PHACTR3: variants seen among roughly 807,000 people sequenced by gnomAD.
The protein encoded by PHACTR3 is protein phosphatase 1, regulatory subunit 123.
In PHACTR3, 16 loss-of-function variants were observed where a neutral mutation model predicts 66.8. That is an observed-to-expected ratio of 0.24 (90% CI 0.16 to 0.36). The LOEUF (loss-of-function observed/expected upper bound fraction) is 0.36, where lower values mean the gene tolerates loss of function less well. Among genes scored for constraint, PHACTR3 ranks in the 10% least tolerant of loss-of-function variants. The pLI, the probability that PHACTR3 is intolerant of heterozygous loss-of-function variation, is 1.00. For missense variants in PHACTR3, 647 were observed against 719.9 expected (o/e 0.90, Z 1.16); for synonymous variants, 323 against 292.1 (o/e 1.11, Z -1.08).
intron 1 of PHACTR3, among the ~76,000 whole-genome samples, chr20:59,589,936 G>T (rs551245252): frequency 2.4e-4 from 37 of 152,342 alleles, no homozygotes; most frequent in Non-Finnish European, 3.7e-4. Flanking sequence ...AGCATTTTGA[G>T]TAGGGAGCTC....
intron 1 of PHACTR3, among the ~76,000 whole-genome samples, chr20:59,595,066 T>C (rs921499188): frequency 6.6e-6 from 1 of 152,244 alleles, no homozygotes; most frequent in Non-Finnish European, 1.5e-5. Flanking sequence ...TGAGGTGTGT[T>C]ATTCAATCTC....
Position 59,847,095 on chromosome 20 carries a change from GTCT to G in PHACTR3, c.1665-18_1665-16del. ...AGAAATGAATAACCTTAAATTCTTT[GTCT>G]TTTTTATAATCTCTAGATTCCACAG... is the stretch of plus-strand genomic sequence containing the variant. On this transcript the variant is annotated splice_polypyrimidine_tract_variant and intron_variant, in intron 12 of 12. Coordinates refer to ENST00000371015, the MANE Select transcript of PHACTR3 (RefSeq NM_080672.5). 6.7e-7 allele frequency: 1 copy of G among 1,493,920 alleles called. No individual in the cohort carries two copies. Among genetic ancestry groups the G allele is most frequent in the Non-Finnish European group, 9.3e-7 (1 of 1,079,052 alleles). The allele number at this position is 1,493,920 out of a possible 1,614,324, so 92.5% of individuals were successfully genotyped here.
intron 1 of PHACTR3, among the ~76,000 whole-genome samples, chr20:59,714,757 G>T (rs2038035884): frequency 6.6e-6 from 1 of 152,054 alleles, no homozygotes; most frequent in African/African-American, 2.4e-5. Flanking sequence ...TGAACTTGTG[G>T]GTCAATTTAG....
At chr20:59,824,379 G>A (rs1193509627) in intron 8 of PHACTR3, among the ~76,000 whole-genome samples, 1 of 152,216 alleles carries the variant, frequency 6.6e-6, no homozygotes, top group Non-Finnish European at 1.5e-5. Context: ...CACTATTCAA[G>A]CAAAGGGCAA....
rs71183177 is a variant in PHACTR3 at position 59,622,981 on chromosome 20, C to CAAAAAAAAAAAAAAA, written c.118+17855_118+17869dup. Among the ~76,000 whole-genome samples the CAAAAAAAAAAAAAAA allele has an allele frequency of 2.6e-3, 84 of 32,196 alleles. 14 individuals are homozygous for CAAAAAAAAAAAAAAA. Among genetic ancestry groups the CAAAAAAAAAAAAAAA allele is most frequent in the South Asian group, 9.4e-3 (5 of 534 alleles). 21.1% of individuals were successfully genotyped at this position (32,196 alleles called of 152,430 possible). On this transcript the variant is annotated intron_variant, in intron 1 of 12. Coordinates refer to ENST00000371015, the MANE Select transcript of PHACTR3 (RefSeq NM_080672.5). ...ATTCTAATTTTACAGCAGCTTTAAC[C>CAAAAAAAAAAAAAAA]AAAAAAAAAAAAAAAAAAAACCCAA...
At chr20:59,597,246 T>C (rs919428837) in intron 1 of PHACTR3, among the ~76,000 whole-genome samples, 2 of 152,240 alleles carry the variant, frequency 1.3e-5, no homozygotes, top group Non-Finnish European at 2.9e-5. Flanking sequence ...CCTCACAAGA[T>C]TATAAATCAA....
intron 1 of PHACTR3, among the ~76,000 whole-genome samples, chr20:59,642,176 G>GA (rs1360688681): frequency 3.3e-5 from 5 of 151,590 alleles, no homozygotes; most frequent in African/African-American, 4.8e-5. Flanking sequence ...GATTAGAGAG[G>GA]AAAAAAAAGA....
At chr20:59,704,958 CTTTTTTT>C (rs552743155) in intron 1 of PHACTR3, among the ~76,000 whole-genome samples, 2 of 139,910 alleles carry the variant, frequency 1.4e-5, no homozygotes, top group Non-Finnish European at 3.1e-5. Flanking sequence ...AAGACTTTCT[CTTTTTTT>C]TTTTTTTTTG....
At chr20:59,699,303 G>A (rs992548209) in intron 1 of PHACTR3, among the ~76,000 whole-genome samples, 1 of 152,166 alleles carries the variant, frequency 6.6e-6, no homozygotes, top group Non-Finnish European at 1.5e-5. Context: ...CAGAGCTACA[G>A]AAAACATGGC....
intron 1 of PHACTR3, among the ~76,000 whole-genome samples, chr20:59,694,445 G>A (rs528594555): frequency 1.3e-5 from 2 of 151,928 alleles, no homozygotes; most frequent in Admixed American, 6.6e-5. Context: ...AAATGAAAGA[G>A]GGCAGGAAGG....
intron 1 of PHACTR3, among the ~76,000 whole-genome samples, chr20:59,679,345 G>A (rs913240902): frequency 6.6e-6 from 1 of 152,168 alleles, no homozygotes; most frequent in African/African-American, 2.4e-5. Context: ...CATAAATGAA[G>A]TGCGTGTACA....
At chr20:59,753,817 CTT>C (rs916665822) in intron 3 of PHACTR3, among the ~76,000 whole-genome samples, 2 of 152,200 alleles carry the variant, frequency 1.3e-5, no homozygotes, top group African/African-American at 4.8e-5. Context: ...AAACAGGACA[CTT>C]TTAGGAGTGA....
At chr20:59,769,396 A>G (rs1489487343) in intron 5 of PHACTR3, among the ~76,000 whole-genome samples, 1 of 152,226 alleles carries the variant, frequency 6.6e-6, no homozygotes, top group East Asian at 1.9e-4. Flanking sequence ...GACAGGCAGG[A>G]CAGGACACAC....
At chr20:59,766,255 G>C (rs1005597288) in intron 4 of PHACTR3, among the ~76,000 whole-genome samples, 1 of 152,210 alleles carries the variant, frequency 6.6e-6, no homozygotes, top group Non-Finnish European at 1.5e-5. Context: ...CCTGGCCACG[G>C]GTCCTGCAGA....
intron 7 of PHACTR3, among the ~76,000 whole-genome samples, chr20:59,781,077 G>A (rs1029898148): frequency 1.1e-4 from 16 of 152,206 alleles, no homozygotes; most frequent in African/African-American, 3.4e-4. Context: ...TCAATGTTCC[G>A]TAGCTGATTT....
intron 1 of PHACTR3, among the ~76,000 whole-genome samples, chr20:59,623,722 C>T (rs963313963): frequency 1.9e-4 from 29 of 152,052 alleles, no homozygotes; most frequent in African/African-American, 3.9e-4. Flanking sequence ...AGAGGAACAG[C>T]GGATGTGGTG....
At chr20:59,746,067 C>T (rs1954697875) in intron 2 of PHACTR3, among the ~76,000 whole-genome samples, 1 of 152,222 alleles carries the variant, frequency 6.6e-6, no homozygotes, top group Non-Finnish European at 1.5e-5. Context: ...CCAAGGTCAG[C>T]ATTCACTTTG....
At chr20:59,817,534 C>T (rs1380222120) in intron 8 of PHACTR3, among the ~76,000 whole-genome samples, 1 of 152,266 alleles carries the variant, frequency 6.6e-6, no homozygotes, top group African/African-American at 2.4e-5. Flanking sequence ...TGACTCGCCA[C>T]AGGAGGCGGG....
At chr20:59,729,727 TTC>T (rs977466776) in intron 1 of PHACTR3, among the ~76,000 whole-genome samples, 5 of 152,160 alleles carry the variant, frequency 3.3e-5, no homozygotes, top group Non-Finnish European at 7.4e-5. Context: ...GTTGGAATGG[TTC>T]CATCTTGCTG....
Sources: gnomAD v4.1 joint callset for allele counts (sites outside exome capture counted in the v4.1 genomes callset) on GRCh38, gnomAD v4.1.1 for gene constraint, MANE v1.5 for transcripts, NCBI Gene and HGNC (gene_info 2026-07-23, HGNC 2026-07-21) for gene names.